NCOA2: variants seen among roughly 807,000 people sequenced by gnomAD.
NCOA2 encodes nuclear receptor coactivator 2.
Under a neutral mutation model 145.1 loss-of-function variants are expected in NCOA2, and 21 were observed. The observed-to-expected ratio is 0.14, with a 90% confidence interval of 0.10 to 0.21. The LOEUF is 0.21. Among genes scored for constraint, NCOA2 ranks in the 10% least tolerant of loss-of-function variants. The pLI is 1.00. For synonymous variants in NCOA2, 619 were observed against 637.5 expected, an observed-to-expected ratio of 0.97 and a Z score of 0.44; for missense variants, 1,472 against 1,837.6, an observed-to-expected ratio of 0.80 and a Z score of 3.64.
intron 5 of NCOA2, among the ~76,000 whole-genome samples, chr8:70,172,186 G>T (rs1585947092): frequency 6.6e-6 from 1 of 151,990 alleles, no homozygotes; most frequent in South Asian, 2.1e-4. Context: ...TCAAACTCTC[G>T]GCCTCAAGTG....
At chr8:70,233,023 A>G (rs969026473) in intron 2 of NCOA2, among the ~76,000 whole-genome samples, 2 of 152,104 alleles carry the variant, frequency 1.3e-5, no homozygotes, top group Non-Finnish European at 2.9e-5. Flanking sequence ...TCAAGAGATC[A>G]AGACCATCCT....
chr8:70,424,331 T>C, the NCOA2 span: 2 of 374,300 alleles, frequency 5.3e-6, no homozygotes, highest in Non-Finnish European at 1.0e-5. Context: ...TTCTGCCTGT[T>C]CAAGAACCAG....
chr8:70,313,743 AT>A (rs1805314971), intron 1 of NCOA2, among the ~76,000 whole-genome samples: 1 of 152,200 alleles, frequency 6.6e-6, no homozygotes, highest in African/African-American at 2.4e-5. Context: ...GATTTTAGAT[AT>A]TTCAGTCACT....
At chr8:70,402,458 G>A (rs1042504381) in intron 1 of NCOA2, 2 of 152,370 alleles carry the variant, frequency 1.3e-5, no homozygotes, top group South Asian at 2.1e-4. Context: ...ACCACTAGAG[G>A]GAGGGGAAGA....
chr8:70,192,687 T>C (rs994937303), intron 4 of NCOA2, among the ~76,000 whole-genome samples: 1 of 152,226 alleles, frequency 6.6e-6, no homozygotes, highest in East Asian at 1.9e-4. Flanking sequence ...GTTGATCAAT[T>C]AGCCTCTATA....
Position 70,147,133 on chromosome 8 carries a change from T to C in NCOA2, c.2605+1140A>G, listed in dbSNP as rs551278027. On this transcript the variant is annotated intron_variant, in intron 12 of 22. Coordinates refer to ENST00000452400, the MANE Select transcript of NCOA2 (RefSeq NM_006540.4). ...TTTCGCGCGCGCGCGCGCGCGTGTG[T>C]GTGTGTGTGTGTGTTCTGAGATGGA... Among the ~76,000 whole-genome samples, 810 of 150,818 alleles carry C rather than the reference T, an allele frequency of 5.4e-3. 11 individuals are homozygous for C. Among genetic ancestry groups the C allele is most frequent in the African/African-American group, 0.019 (764 of 40,396 alleles).
Position 70,181,027 on chromosome 8 carries a change from A to G in NCOA2, c.260-6168T>C, listed in dbSNP as rs537066009. Among the ~76,000 whole-genome samples, 6 of 152,372 alleles carry G rather than the reference A, an allele frequency of 3.9e-5. No individual in the cohort carries two copies. In the South Asian group the frequency reaches 1.2e-3, roughly 32 times the overall value. On this transcript the variant is annotated intron_variant, in intron 4 of 22. Transcript: ENST00000452400. ...AAAAGGCCTTTACATAATCTTCTGA[A>G]GTATCATTTATTAATTTTGGTAGCT...
At chr8:70,422,127 A>G in the NCOA2 span, among the ~76,000 whole-genome samples, 1 of 151,932 alleles carries the variant, frequency 6.6e-6, no homozygotes, top group Non-Finnish European at 1.5e-5. Context: ...TAAACAAACC[A>G]CCAAAAAAAA....
rs143024916 is a variant in NCOA2 at position 70,332,240 on chromosome 8, G to C, written c.-76-35440C>G. ...AAAAAGGAGCAAGTCAACTTTTTCA[G>C]TTAAAAAGCAACTACATTTGTGTTT... is the stretch of plus-strand genomic sequence containing the variant. On this transcript the variant is annotated intron_variant, in intron 1 of 22. Transcript: ENST00000452400. Among the ~76,000 whole-genome samples, 495 of 152,216 alleles carry C rather than the reference G, an allele frequency of 3.3e-3. 13 individuals are homozygous for C. Among genetic ancestry groups the C allele is most frequent in the Non-Finnish European group, 4.0e-4 (27 of 67,980 alleles).
At chr8:70,263,498 C>T (rs1309321092) in intron 2 of NCOA2, among the ~76,000 whole-genome samples, 1 of 151,906 alleles carries the variant, frequency 6.6e-6, no homozygotes, top group South Asian at 2.1e-4. Flanking sequence ...ATCTTTTTCA[C>T]CAAAGTTGAT....
Position 70,157,214 on chromosome 8 carries a change from G to A in NCOA2, c.1151C>T (p.Pro384Leu), listed in dbSNP as rs748237390. 14 of 1,566,834 alleles carry A rather than the reference G, an allele frequency of 8.9e-6. No homozygotes were observed. Among genetic ancestry groups the A allele is most frequent in the South Asian group, 1.2e-5 (1 of 84,080 alleles). ...HREQNVCVMN[P>L]DLTGQTMGKP... is the part of the protein sequence containing the mutation. ...CCCCATCGTTTGTCCAGTCAGATCC[G>A]GATTCATCACACACACATTCTGCTC... Residue 384 changes from proline to leucine, a missense_variant, in exon 11 of 23, where the codon CCG becomes CTG. Transcript: ENST00000452400.
intron 1 of NCOA2, among the ~76,000 whole-genome samples, chr8:70,349,677 C>T (rs952829552): frequency 9.2e-5 from 14 of 152,122 alleles, no homozygotes; most frequent in African/African-American, 2.9e-4. Context: ...CTGTCTGACA[C>T]TAAATGAAGA....
In NCOA2 at chr8:70,187,347, C is replaced by A. The variant is rs534626634; in HGVS notation, c.260-12488G>T. Among the ~76,000 whole-genome samples the A allele has an allele frequency of 1.1e-4, 17 of 152,250 alleles. No individual in the cohort carries two copies. The South Asian group carries it at 3.5e-3, about 32-fold the overall frequency. On this transcript the variant is annotated intron_variant, in intron 4 of 22. Coordinates refer to ENST00000452400, the MANE Select transcript of NCOA2 (RefSeq NM_006540.4). ...TTTCTTATTTTATTTAATTCTGCAG[C>A]AAATTTTGTAACCTGAGGGGAAAAA...
At position 70,133,200 on chromosome 8, in the gene NCOA2, C is replaced by CTT. The variant is rs57813061; in HGVS notation, c.3159-1200_3159-1199dup. Among the ~76,000 whole-genome samples the CTT allele has an allele frequency of 4.9e-4, 52 of 106,964 alleles. 1 individual carries two copies. Among genetic ancestry groups the CTT allele is most frequent in the Middle Eastern group, 9.9e-3 (2 of 202 alleles). 70.2% of individuals were successfully genotyped at this position (106,964 alleles called of 152,430 possible). On this transcript the variant is annotated intron_variant, in intron 15 of 22. Coordinates refer to ENST00000452400, the MANE Select transcript of NCOA2 (RefSeq NM_006540.4). ...TGTGTGCCACCACAACTGGCTGCTA[C>CTT]TTTTTTTTTTTTTTTTTTTTGGTAA... is the stretch of plus-strand genomic sequence containing the variant.
At chr8:70,301,655 CAAAAAA>C (rs71275063) in intron 1 of NCOA2, among the ~76,000 whole-genome samples, 5 of 60,166 alleles carry the variant, frequency 8.3e-5, no homozygotes, top group African/African-American at 3.5e-4. Flanking sequence ...GACCCTTTCT[CAAAAAA>C]AAAAAAAAAA....
intron 19 of NCOA2, among the ~76,000 whole-genome samples, 197 bp from the exon 20 acceptor site, chr8:70,125,062 T>C (rs753721049): frequency 1.3e-5 from 2 of 152,180 alleles, no homozygotes; most frequent in Non-Finnish European, 2.9e-5. Context: ...AAAATCTCCA[T>C]ACTGATTCCC....
the NCOA2 span, among the ~76,000 whole-genome samples, chr8:70,441,848 A>C: frequency 0.024 from 3,525 of 143,968 alleles, 138 homozygotes; most frequent in African/African-American, 0.086. Flanking sequence ...GAAAGACAGA[A>C]AGACAGACAG....
chr8:70,452,064 T>C, the NCOA2 span, among the ~76,000 whole-genome samples: 2 of 152,150 alleles, frequency 1.3e-5, no homozygotes, highest in Non-Finnish European at 2.9e-5. Flanking sequence ...AACCTCTGTC[T>C]CCCAGGCTCA....
At chr8:70,130,353 G>A (rs151062327) in intron 16 of NCOA2, among the ~76,000 whole-genome samples, 61 of 152,084 alleles carry the variant, frequency 4.0e-4, no homozygotes, top group African/African-American at 1.4e-3. Context: ...AGTGAAAAAC[G>A]GACTAAAAAT....
Sources: allele counts gnomAD v4.1 joint callset (sites outside exome capture counted in the v4.1 genomes callset), GRCh38; gene constraint gnomAD v4.1.1; transcripts MANE v1.5; gene names NCBI Gene and HGNC (gene_info 2026-07-23, HGNC 2026-07-21).